Variants in LRP12 observed in about 807,000 individuals in gnomAD.
The protein encoded by LRP12 is LDL receptor related protein 12.
In LRP12, 14 loss-of-function variants were observed where a neutral mutation model predicts 66.0. That is an observed-to-expected ratio of 0.21 (90% confidence interval 0.14 to 0.33). The LOEUF (loss-of-function observed/expected upper bound fraction) is 0.33, where lower values mean the gene tolerates loss of function less well. LRP12 is among the 10% of genes least tolerant of loss of function. The probability of loss-of-function intolerance (pLI) is 1.00; values close to 1 mark genes in which losing one functional copy is unlikely to be tolerated. For synonymous variants in LRP12, 357 were observed against 359.1 expected, an observed-to-expected ratio of 0.99 and a Z score of 0.07; for missense variants, 889 against 1,053.4, an observed-to-expected ratio of 0.84 and a Z score of 2.16.
At chr8:104,491,974 CTT>C (rs566322915) in intron 6 of LRP12, among the ~76,000 whole-genome samples, 4 of 144,544 alleles carry the variant, frequency 2.8e-5, no homozygotes. Context: ...GGACTTTTAT[CTT>C]TTTTTTTTTT....
rs1588486391 is a variant in LRP12 at position 104,508,732 on chromosome 8, C to A, written c.272+207G>T. On this transcript the variant is annotated intron_variant, in intron 3 of 6. Coordinates refer to ENST00000276654, the MANE Select transcript of LRP12 (RefSeq NM_013437.5). ...GAATATAGATGATTCAATGCAAATA[C>A]ATTACCACCCTTAGAAAATACTCAA... 1.3e-5 allele frequency: 6 copies of A among 458,044 alleles called. No individual in the cohort carries two copies. In the East Asian group the frequency reaches 1.6e-4, roughly 12 times the overall value. The allele number at this position is 458,044 out of a possible 1,614,324, so 28.4% of individuals were successfully genotyped here.
chr8:104,588,589 G>C (rs1481856088), intron 1 of LRP12, among the ~76,000 whole-genome samples: 1 of 152,110 alleles, frequency 6.6e-6, no homozygotes, highest in Non-Finnish European at 1.5e-5. Flanking sequence ...TCCCGGCCGG[G>C]CCCCCCAGCC....
intron 1 of LRP12, among the ~76,000 whole-genome samples, chr8:104,567,300 C>T (rs1812020582): frequency 6.6e-6 from 1 of 152,118 alleles, no homozygotes; most frequent in African/African-American, 2.4e-5. Flanking sequence ...AGGCAAAAGG[C>T]ACTTCTTACA....
chr8:104,527,855 C>A (rs1437472643), intron 2 of LRP12, among the ~76,000 whole-genome samples: 1 of 151,852 alleles, frequency 6.6e-6, no homozygotes, highest in Non-Finnish European at 1.5e-5. Context: ...AAAAAAAAGA[C>A]CATATTATAG....
chr8:104,556,344 T>A (rs1474072460), intron 1 of LRP12, among the ~76,000 whole-genome samples: 2 of 151,848 alleles, frequency 1.3e-5, no homozygotes, highest in Non-Finnish European at 2.9e-5. Flanking sequence ...ACAAAATATA[T>A]ATAAACAAAA....
intron 2 of LRP12, among the ~76,000 whole-genome samples, chr8:104,516,307 G>A (rs1811071867): frequency 6.6e-6 from 1 of 151,416 alleles, no homozygotes; most frequent in Admixed American, 6.6e-5. Context: ...CCCCACAAAA[G>A]CCTATTTAAT....
At chr8:104,588,314 C>A (rs1029464325) in intron 1 of LRP12, among the ~76,000 whole-genome samples, 13 of 152,174 alleles carry the variant, frequency 8.5e-5, no homozygotes, top group African/African-American at 3.1e-4. Context: ...GAGAAGTCAG[C>A]GGGAAGCCTT....
At chr8:104,511,905 C>CTT (rs534221934) in intron 2 of LRP12, among the ~76,000 whole-genome samples, 2 of 144,080 alleles carry the variant, frequency 1.4e-5, no homozygotes, top group Admixed American at 6.9e-5. Context: ...TTCTTTTTTT[C>CTT]TTTTTTTTTT....
intron 2 of LRP12, among the ~76,000 whole-genome samples, chr8:104,522,533 A>C (rs1811168216): frequency 6.6e-6 from 1 of 152,146 alleles, no homozygotes; most frequent in Non-Finnish European, 1.5e-5. Flanking sequence ...GCCTGACAGA[A>C]GATTCTAAGT....
Position 104,564,583 on chromosome 8 carries a change from A to G in LRP12, c.79+24236T>C, listed in dbSNP as rs186916235. Among the ~76,000 whole-genome samples the G allele has an allele frequency of 8.9e-4, 136 of 152,116 alleles. 1 individual carries two copies. Among genetic ancestry groups the G allele is most frequent in the African/African-American group, 2.7e-3 (114 of 41,504 alleles). On this transcript the variant is annotated intron_variant, in intron 1 of 6. Transcript: ENST00000276654. ...AGTAATCAGGGGAGATAAGAAAGAC[A>G]CAAATCAGCACCGCATAGCTAACTA...
At chr8:104,567,613 T>G (rs12114911) in intron 1 of LRP12, among the ~76,000 whole-genome samples, 1,977 of 152,270 alleles carry the variant, frequency 0.013, 46 homozygotes, top group African/African-American at 0.044. Flanking sequence ...AAACAAAAAC[T>G]TATTAGAGCT....
At chr8:104,584,988 G>C (rs1812307704) in intron 1 of LRP12, among the ~76,000 whole-genome samples, 2 of 152,110 alleles carry the variant, frequency 1.3e-5, no homozygotes, top group South Asian at 4.1e-4. Context: ...AAAGTAAAAA[G>C]ATTATTTTAG....
At position 104,490,944 on chromosome 8, in the gene LRP12, T is replaced by C; in HGVS notation, c.2309A>G (p.Asp770Gly). The C allele has an allele frequency of 6.2e-7, 1 of 1,614,014 alleles. No individual in the cohort carries two copies. Among genetic ancestry groups the C allele is most frequent in the Admixed American group, 1.7e-5 (1 of 60,018 alleles). Residue 770 changes from aspartate (D) to glycine (G), a missense_variant, in exon 7 of 7, where the codon GAT (aspartate) becomes GGT (glycine). By Grantham distance (94) the Asp-to-Gly change is moderately conservative. Coordinates refer to ENST00000276654, the MANE Select transcript of LRP12 (RefSeq NM_013437.5). ...LDNGVSGRED[D>G]DDVEMLIPIS... ...TGGAATTAGCATTTCAACATCATCA[T>C]CATCTTCTCTTCCACTTACCCCATT...
intron 1 of LRP12, among the ~76,000 whole-genome samples, chr8:104,570,088 A>G (rs1249748645): frequency 6.6e-6 from 1 of 152,202 alleles, no homozygotes; most frequent in Admixed American, 6.5e-5. Context: ...AAAACATACA[A>G]AGGATCTGTG....
At position 104,588,964 on chromosome 8, in the gene LRP12, ACGCCGACGCCGCCGC is replaced by A. The variant is rs1197832430; in HGVS notation, c.-82_-68del. ...AGGGAGGAGAAGCTGGAGGTAGACG[ACGCCGACGCCGCCGC>A]CGCCGCCGCCGCCGCCGCCGAGCCA... On this transcript the variant is annotated 5_prime_UTR_variant, in exon 1 of 7. Coordinates refer to ENST00000276654, the MANE Select transcript of LRP12 (RefSeq NM_013437.5). 0.012 allele frequency: 10,887 copies of A among 905,578 alleles called. 240 individuals are homozygous for A. The highest frequency in any genetic ancestry group is 0.025 in the Middle Eastern group (93 of 3,790). The allele number at this position is 905,578 out of a possible 1,614,324, so 56.1% of individuals were successfully genotyped here.
At chr8:104,527,790 A>T (rs1811263246) in intron 2 of LRP12, among the ~76,000 whole-genome samples, 1 of 152,080 alleles carries the variant, frequency 6.6e-6, no homozygotes, top group Non-Finnish European at 1.5e-5. Context: ...TATGTAACTA[A>T]CCTGCACATT....
intron 1 of LRP12, among the ~76,000 whole-genome samples, chr8:104,539,305 T>C (rs143336380): frequency 2.0e-5 from 3 of 152,312 alleles, no homozygotes; most frequent in East Asian, 1.9e-4. Flanking sequence ...CACTCTAAAA[T>C]ATTAGTGGAT....
Position 104,564,793 on chromosome 8 carries a change from C to T in LRP12, c.79+24026G>A, listed in dbSNP as rs1009601039. On this transcript the variant is annotated intron_variant, in intron 1 of 6. Coordinates refer to ENST00000276654, the MANE Select transcript of LRP12 (RefSeq NM_013437.5). Reference sequence around the variant, plus strand: ...CAAAAAAATCCAAAAATTAGCTGGGCATGGTGGCACACGCCTGTAGTCCCA... The same window carrying T: ...CAAAAAAATCCAAAAATTAGCTGGGTATGGTGGCACACGCCTGTAGTCCCA... Among the ~76,000 whole-genome samples, 4 of 151,812 alleles carry T rather than the reference C, an allele frequency of 2.6e-5. No individual in the cohort carries two copies. The South Asian group carries it at 8.3e-4, about 32-fold the overall frequency.
At position 104,528,502 on chromosome 8, in the gene LRP12, C is replaced by T. The variant is rs1165910853; in HGVS notation, c.136+3405G>A. Among the ~76,000 whole-genome samples the T allele has an allele frequency of 3.3e-5, 5 of 152,170 alleles. No homozygotes were observed. In the South Asian group the frequency reaches 8.3e-4, roughly 25 times the overall value. On this transcript the variant is annotated intron_variant, in intron 2 of 6. Coordinates refer to ENST00000276654, the MANE Select transcript of LRP12 (RefSeq NM_013437.5). Reference sequence around the variant, plus strand: ...AGAAAAAATGCAATGAGGCCGGGCACGGTGGCTCATGCCTGTAATGCCAGC... The same window carrying T: ...AGAAAAAATGCAATGAGGCCGGGCATGGTGGCTCATGCCTGTAATGCCAGC...
Sources: gnomAD v4.1 joint callset for allele counts (sites outside exome capture counted in the v4.1 genomes callset) on GRCh38, gnomAD v4.1.1 for gene constraint, MANE v1.5 for transcripts, NCBI Gene and HGNC (gene_info 2026-07-23, HGNC 2026-07-21) for gene names.